Variants in OLA1 observed in about 807,000 individuals in gnomAD.
The protein encoded by OLA1 is obg-like ATPase 1.
A neutral mutation model predicts 48.4 loss-of-function variants in OLA1; 14 were observed. The observed-to-expected ratio is 0.29, with a 90% CI of 0.19 to 0.45. The LOEUF is 0.45. Ranked by LOEUF, OLA1 falls within the 20% of genes least tolerant of loss-of-function variation. The probability of loss-of-function intolerance (pLI) is 1.00; values close to 1 mark genes in which losing one functional copy is unlikely to be tolerated. For missense variants in OLA1, 325 were observed against 467.1 expected, an observed-to-expected ratio of 0.70 and a Z score of 2.80; for synonymous variants, 127 against 150.4, an observed-to-expected ratio of 0.84 and a Z score of 1.14.
chr2:174,165,373 C>G lies in OLA1; in HGVS notation c.374-23373G>C, dbSNP rs73033859. On this transcript the variant is annotated intron_variant, in intron 4 of 10. Coordinates refer to ENST00000284719, the MANE Select transcript of OLA1 (RefSeq NM_013341.5). ...AGGTGAAAGAAAGGGTATGTTCAGGCCAACAACAGTCCTGTCTTCAGAAAT... is the reference window on the plus strand; with the variant it reads ...AGGTGAAAGAAAGGGTATGTTCAGGGCAACAACAGTCCTGTCTTCAGAAAT... 4.3e-3 allele frequency among the ~76,000 whole-genome samples: 653 copies of G among 152,232 alleles called. 2 individuals are homozygous for G. The highest frequency in any genetic ancestry group is 0.015 in the African/African-American group (621 of 41,554).
chr2:174,087,308 G>A (rs1167780527), intron 7 of OLA1, among the ~76,000 whole-genome samples: 2 of 152,046 alleles, frequency 1.3e-5, no homozygotes, highest in Non-Finnish European at 2.9e-5. Context: ...TTGCAGGCGT[G>A]AGCCACTGCA....
intron 7 of OLA1, among the ~76,000 whole-genome samples, chr2:174,111,057 C>T (rs938171709): frequency 2.0e-5 from 3 of 152,172 alleles, no homozygotes; most frequent in Admixed American, 6.5e-5. Flanking sequence ...ACAGATCTGA[C>T]ACAGAATAAT....
In OLA1 at chr2:174,198,786, TTCTC is replaced by T. The variant is rs895042262; in HGVS notation, c.373+24243_373+24246del. 8.2e-4 allele frequency among the ~76,000 whole-genome samples: 125 copies of T among 152,130 alleles called. 1 individual carries two copies. Among genetic ancestry groups the T allele is most frequent in the African/African-American group, 2.9e-3 (119 of 41,530 alleles). ...ATGGAGTGAGCCTCTGTCTCAAAAT[TTCTC>T]TCTGTCTATATATATATAGTTTTAC... On this transcript the variant is annotated intron_variant, in intron 4 of 10. Coordinates refer to ENST00000284719, the MANE Select transcript of OLA1 (RefSeq NM_013341.5).
In OLA1 at chr2:174,236,845, T is replaced by G. The variant is rs527682296; in HGVS notation, c.102-7394A>C. Among the ~76,000 whole-genome samples the G allele has an allele frequency of 1.4e-4, 21 of 152,262 alleles. No individual in the cohort carries two copies. In the South Asian group the frequency reaches 4.4e-3, roughly 32 times the overall value. On this transcript the variant is annotated intron_variant, in intron 2 of 10. Transcript: ENST00000284719. ...ACATATAAAAGTGAAATAGGACGCT[T>G]ACCATGAGTGGAGCTTGCAGGCCTG...
chr2:174,148,499 A>G (rs556213377), intron 4 of OLA1, among the ~76,000 whole-genome samples: 30 of 152,360 alleles, frequency 2.0e-4, no homozygotes, highest in African/African-American at 6.7e-4. Context: ...TCTCATTTAA[A>G]AAACTATTTG....
chr2:174,144,951 A>AAAATATATAT (rs1181030817), intron 4 of OLA1, among the ~76,000 whole-genome samples: 5 of 40,296 alleles, frequency 1.2e-4, no homozygotes, highest in Admixed American at 4.5e-4. Context: ...AAAAAAAAAA[A>AAAATATATAT]ATATATATAT....
rs556189600 is a variant in OLA1 at position 174,073,292 on chromosome 2, C to G, written c.*2134G>C. The G allele has an allele frequency of 2.0e-5, 3 of 152,132 alleles. No individual in the cohort carries two copies. The highest frequency in any genetic ancestry group is 4.8e-5 in the African/African-American group (2 of 41,418). 9.4% of individuals were successfully genotyped at this position (152,132 alleles called of 1,614,324 possible). On this transcript the variant is annotated 3_prime_UTR_variant, in exon 11 of 11. Transcript: ENST00000284719. Reference sequence around the variant, plus strand: ...TTGGGATTATAGGTGTGAGCCTCCACGCCTGGCCTCAAATCTCTTTTAACC... The same window carrying G: ...TTGGGATTATAGGTGTGAGCCTCCAGGCCTGGCCTCAAATCTCTTTTAACC...
intron 2 of OLA1, among the ~76,000 whole-genome samples, chr2:174,235,433 G>C (rs188207307): frequency 6.6e-6 from 1 of 152,252 alleles, no homozygotes; most frequent in African/African-American, 2.4e-5. Flanking sequence ...TCTGCTACAA[G>C]AACTGCCCTC....
chr2:174,177,698 C>T (rs1687449777), intron 4 of OLA1, among the ~76,000 whole-genome samples: 1 of 151,954 alleles, frequency 6.6e-6, no homozygotes, highest in African/African-American at 2.4e-5. Flanking sequence ...AGTCAGCTAG[C>T]TTAATAAAAT....
rs1684843151 is a variant in OLA1, at chr2:174,081,095, A to C, written c.966+57T>G. The stretch of plus-strand genomic sequence containing the variant: ...GACAAACTTCAAAGTCAGTGATATC[A>C]ATCTGAATTCAATAGTGTGGAACTG... On this transcript the variant is annotated intron_variant, in intron 9 of 10. Transcript: ENST00000284719. 6 of 1,400,942 alleles carry C rather than the reference A, an allele frequency of 4.3e-6. No homozygotes were observed. In the South Asian group the frequency reaches 4.7e-5, roughly 11 times the overall value. 86.8% of individuals were successfully genotyped at this position (1,400,942 alleles called of 1,614,324 possible).
intron 3 of OLA1, among the ~76,000 whole-genome samples, chr2:174,229,097 A>G (rs1309193009): frequency 6.6e-6 from 1 of 152,106 alleles, no homozygotes; most frequent in Non-Finnish European, 1.5e-5. Context: ...GCTGGTCTCA[A>G]ACTCCTAACC....
In OLA1 at chr2:174,074,490, T is replaced by C. The variant is rs2105334962; in HGVS notation, c.*936A>G. The C allele has an allele frequency of 6.6e-6, 1 of 152,316 alleles. No individual in the cohort carries two copies. Among genetic ancestry groups the C allele is most frequent in the Non-Finnish European group, 1.5e-5 (1 of 68,020 alleles). 9.4% of individuals were successfully genotyped at this position (152,316 alleles called of 1,614,324 possible). On this transcript the variant is annotated 3_prime_UTR_variant, in exon 11 of 11. Coordinates refer to ENST00000284719, the MANE Select transcript of OLA1 (RefSeq NM_013341.5). ...CTCTCAAATATCTGAAAAGTAAGAA[T>C]GAAAGAATTTTTAAAATTTTCAAAG...
At chr2:174,223,754 T>C in intron 3 of OLA1, among the ~76,000 whole-genome samples, 1 of 118,274 alleles carries the variant, frequency 8.5e-6, no homozygotes, top group African/African-American at 3.3e-5. Flanking sequence ...ATCACCCACA[T>C]GTTATATAGA....
rs532463262 is a variant in OLA1, at chr2:174,139,242, C to A, written c.549+2583G>T. Among the ~76,000 whole-genome samples the A allele has an allele frequency of 1.4e-4, 21 of 152,226 alleles. No individual in the cohort carries two copies. The East Asian group carries it at 3.1e-3, about 22-fold the overall frequency. ...AGAGAGAAATTTGGACAGAGACACA[C>A]AGGAAAGGTGGCCATGTGAAGACTA... On this transcript the variant is annotated intron_variant, in intron 5 of 10. Coordinates refer to ENST00000284719, the MANE Select transcript of OLA1 (RefSeq NM_013341.5).
At chr2:174,108,287 T>C (rs1325889435) in intron 7 of OLA1, among the ~76,000 whole-genome samples, 4 of 152,114 alleles carry the variant, frequency 2.6e-5, no homozygotes, top group Admixed American at 2.0e-4. Context: ...TTGCTAGCAC[T>C]AAACATAAGC....
intron 2 of OLA1, among the ~76,000 whole-genome samples, chr2:174,241,600 A>G (rs1477245939): frequency 6.6e-6 from 1 of 152,278 alleles, no homozygotes; most frequent in South Asian, 2.1e-4. Flanking sequence ...CTAGTTGCCC[A>G]TAATATCCAT....
rs191570510 is a variant in OLA1 at position 174,190,560 on chromosome 2, T to C, written c.373+32473A>G. ...TATTTATATATTTTATAGAATTTCA[T>C]AGAATGAAATTCTATGTTGGATACA... On this transcript the variant is annotated intron_variant, in intron 4 of 10. Transcript: ENST00000284719. Among the ~76,000 whole-genome samples, 26 of 151,852 alleles carry C rather than the reference T, an allele frequency of 1.7e-4. No homozygotes were observed. The East Asian group carries it at 4.3e-3, about 25-fold the overall frequency.
chr2:174,190,050 T>C lies in OLA1; in HGVS notation c.373+32983A>G, dbSNP rs74747029. Among the ~76,000 whole-genome samples the C allele has an allele frequency of 3.3e-3, 501 of 152,204 alleles. 4 individuals are homozygous for C. The highest frequency in any genetic ancestry group is 0.012 in the African/African-American group (485 of 41,530). ...TCCAGGAGACTGTAAATGCCAAAAG[T>C]AAGGTACTTCAGTGTACCTGGTAGG... is the stretch of plus-strand genomic sequence containing the variant. On this transcript the variant is annotated intron_variant, in intron 4 of 10. Transcript: ENST00000284719.
At position 174,156,840 on chromosome 2, in the gene OLA1, C is replaced by T. The variant is rs142918216; in HGVS notation, c.374-14840G>A. Reference sequence around the variant, plus strand: ...TGTCAGATGATCCACCCACCTCAGCCCTCCAAAGTGCTGGGATTACAGGCA... The same window carrying T: ...TGTCAGATGATCCACCCACCTCAGCTCTCCAAAGTGCTGGGATTACAGGCA... On this transcript the variant is annotated intron_variant, in intron 4 of 10. Coordinates refer to ENST00000284719, the MANE Select transcript of OLA1 (RefSeq NM_013341.5). 2.0e-5 allele frequency among the ~76,000 whole-genome samples: 3 copies of T among 151,970 alleles called. No individual in the cohort carries two copies. The East Asian group carries it at 5.8e-4, about 29-fold the overall frequency.
Sources: allele counts gnomAD v4.1 joint callset (sites outside exome capture counted in the v4.1 genomes callset), GRCh38; gene constraint gnomAD v4.1.1; transcripts MANE v1.5; gene names NCBI Gene and HGNC (gene_info 2026-07-23, HGNC 2026-07-21).